Variants in MT4 observed in about 807,000 individuals in gnomAD.
The protein encoded by MT4 is metallothionein-4.
MT4 carries 11 observed loss-of-function variants against 9.5 expected under a neutral mutation model. The ratio of observed to expected loss-of-function variants is 1.16; its 90% CI spans 0.73 to 1.92. MT4 has a LOEUF of 1.92. Among genes scored for constraint, MT4 ranks in the 30% most tolerant of loss-of-function variants. The probability of loss-of-function intolerance (pLI) is 0.00; values close to 1 mark genes in which losing one functional copy is unlikely to be tolerated. For missense variants in MT4, 88 were observed against 78.7 expected (o/e 1.12, Z -0.45); for synonymous variants, 29 against 24.6 (o/e 1.18, Z -0.53).
intron 1 of MT4, among the ~76,000 whole-genome samples, chr16:56,565,373 G>A (rs1959503816): frequency 6.6e-6 from 1 of 152,248 alleles, no homozygotes. Flanking sequence ...TCCTAGCTCA[G>A]GGAATGGCTG....
At chr16:56,566,738 GAAAGAAA>G (rs1567329851) in intron 1 of MT4, among the ~76,000 whole-genome samples, 2,754 of 54,492 alleles carry the variant, frequency 0.051, 62 homozygotes, top group South Asian at 0.068. Context: ...AAGAAAGAAA[GAAAGAAA>G]GAAGGAAGGA....
chr16:56,568,271 G>GAAA (rs1349217551), intron 2 of MT4, among the ~76,000 whole-genome samples: 1 of 58,570 alleles, frequency 1.7e-5, no homozygotes, highest in Non-Finnish European at 3.7e-5. Flanking sequence ...GAGAGAGAGA[G>GAAA]AGAAAGAAAG....
intron 1 of MT4, among the ~76,000 whole-genome samples, chr16:56,566,063 C>CAA (rs11428986): frequency 9.7e-4 from 144 of 148,928 alleles, no homozygotes; most frequent in Non-Finnish European, 1.5e-3. Flanking sequence ...GACCCTTTCT[C>CAA]AAAAAAAAAG....
chr16:56,568,270 AG>A (rs1959575147), intron 2 of MT4, among the ~76,000 whole-genome samples: 2 of 94,964 alleles, frequency 2.1e-5, no homozygotes, highest in African/African-American at 4.9e-5. Flanking sequence ...AGAGAGAGAG[AG>A]AGAAAGAAAG....
At chr16:56,568,380 G>A (rs1567330745) in intron 2 of MT4, among the ~76,000 whole-genome samples, 1 of 152,092 alleles carries the variant, frequency 6.6e-6, no homozygotes, top group Non-Finnish European at 1.5e-5. Context: ...GTGGATTGGG[G>A]CTTGTGGGGA....
At chr16:56,565,665 T>C (rs942394967) in intron 1 of MT4, among the ~76,000 whole-genome samples, 1 of 152,178 alleles carries the variant, frequency 6.6e-6, no homozygotes, top group African/African-American at 2.4e-5. Flanking sequence ...TTATGTGGAC[T>C]CTTGAGTCTC....
At chr16:56,567,000 T>C (rs1236406309) in intron 1 of MT4, among the ~76,000 whole-genome samples, 4 of 152,012 alleles carry the variant, frequency 2.6e-5, no homozygotes, top group Non-Finnish European at 5.9e-5. Flanking sequence ...CTTGTGAAGG[T>C]GACACGGGTG....
Position 56,565,289 on chromosome 16 carries a change from G to A in MT4, c.31+130G>A, listed in dbSNP as rs916830614. 50 of 940,060 alleles carry A rather than the reference G, an allele frequency of 5.3e-5. No individual in the cohort carries two copies. The Admixed American group carries it at 6.5e-4, about 12-fold the overall frequency. 58.2% of individuals were successfully genotyped at this position (940,060 alleles called of 1,614,324 possible). On this transcript the variant is annotated intron_variant, in intron 1 of 2. Transcript: ENST00000219162. ...ACCAATGGGGTTCGTCCTGGGAGCC[G>A]ACAGGTGGACTGGCCACCTCTGGGG...
intron 2 of MT4, 59 bp from the exon 3 acceptor site, chr16:56,568,782 C>A: frequency 1.7e-6 from 2 of 1,180,158 alleles, no homozygotes; most frequent in Non-Finnish European, 1.2e-6. Flanking sequence ...GTGGGAGGGG[C>A]AGTGGTGAGA....
Position 56,565,116 on chromosome 16 carries a change from G to A in MT4, c.-13G>A, listed in dbSNP as rs145842898. On this transcript the variant is annotated 5_prime_UTR_variant, in exon 1 of 3. Transcript: ENST00000219162. ...AGCCGTGACAGCACTGGAGCCTTTC[G>A]GACACCTGGACCATGGACCCCAGGG... 2.2e-4 allele frequency: 356 copies of A among 1,613,026 alleles called. No individual in the cohort carries two copies. The African/African-American group carries it at 3.1e-3, about 14-fold the overall frequency.
At chr16:56,565,317 GC>G (rs1261041616) in intron 1 of MT4, among the ~76,000 whole-genome samples, 158 bp downstream of exon 1, 1 of 152,214 alleles carries the variant, frequency 6.6e-6, no homozygotes, top group Non-Finnish European at 1.5e-5. Context: ...CTCTGGGGCA[GC>G]TCCCACTCTC....
At chr16:56,566,814 GAAAGAAAAGA>G (rs1238276324) in intron 1 of MT4, among the ~76,000 whole-genome samples, 1 of 45,850 alleles carries the variant, frequency 2.2e-5, no homozygotes, top group Admixed American at 3.1e-4. Context: ...AAGAAAGAAA[GAAAGAAAAGA>G]AAGAAAGAAA....
At chr16:56,566,625 AG>A (rs1959520983) in intron 1 of MT4, among the ~76,000 whole-genome samples, 1 of 145,982 alleles carries the variant, frequency 6.9e-6, no homozygotes, top group African/African-American at 2.5e-5. Context: ...AAAGGGAGAA[AG>A]GGGGAGAGAG....
At chr16:56,567,980 C>A (rs1050194613) in intron 2 of MT4, among the ~76,000 whole-genome samples, 164 bp downstream of exon 2, 1 of 151,650 alleles carries the variant, frequency 6.6e-6, no homozygotes, top group Non-Finnish European at 1.5e-5. Flanking sequence ...TGGTGAAACC[C>A]CATCTCTACT....
At chr16:56,567,693 T>C (rs369714975) in intron 1 of MT4, 58 bp from the exon 2 acceptor site, 160 of 1,523,204 alleles carry the variant, frequency 1.1e-4, no homozygotes, top group Middle Eastern at 1.7e-4. Context: ...CATCATGCCT[T>C]ATGTTCCCCA....
rs779895274 is a variant in MT4 at position 56,566,700 on chromosome 16, GAGAAAGAAAGAA to G, written c.32-1014_32-1003del. 9.5e-3 allele frequency among the ~76,000 whole-genome samples: 695 copies of G among 73,408 alleles called. 6 individuals carry two copies. Among genetic ancestry groups the G allele is most frequent in the East Asian group, 0.029 (52 of 1,772 alleles). 48.2% of individuals were successfully genotyped at this position (73,408 alleles called of 152,430 possible). A position where few individuals can be genotyped will look rare whatever the true frequency, so the allele number is the denominator to read the frequency against. Reference sequence around the variant, plus strand: ...GAGAAAAAGAAAAGAAAGAAAGAAAGAGAAAGAAAGAAAGAAAGAAAGAAAGAAAGAAAGAAA... The same window carrying G: ...GAGAAAAAGAAAAGAAAGAAAGAAAGAGAAAGAAAGAAAGAAAGAAAGAAA... On this transcript the variant is annotated intron_variant, in intron 1 of 2. Coordinates refer to ENST00000219162, the MANE Select transcript of MT4 (RefSeq NM_032935.3).
At chr16:56,567,190 AT>A (rs58401550) in intron 1 of MT4, among the ~76,000 whole-genome samples, 3,954 of 147,652 alleles carry the variant, frequency 0.027, 160 homozygotes, top group African/African-American at 0.09. Flanking sequence ...CGCCTGGCTA[AT>A]TTTTTTTTTT....
At chr16:56,565,306 C>T (rs1156298078) in intron 1 of MT4, 147 bp downstream of exon 1, 2 of 729,850 alleles carry the variant, frequency 2.7e-6, no homozygotes, top group Middle Eastern at 4.9e-4. Flanking sequence ...GGACTGGCCA[C>T]CTCTGGGGCA....
Position 56,565,103 on chromosome 16 carries a change from A to C in MT4, c.-26A>C, listed in dbSNP as rs1441539232. 1 of 1,612,970 alleles carries C rather than the reference A, an allele frequency of 6.2e-7. No homozygotes were observed. Among genetic ancestry groups the C allele is most frequent in the Non-Finnish European group, 8.5e-7 (1 of 1,179,480 alleles). On this transcript the variant is annotated 5_prime_UTR_variant, in exon 1 of 3. Coordinates refer to ENST00000219162, the MANE Select transcript of MT4 (RefSeq NM_032935.3). Reference sequence around the variant, plus strand: ...GCCTCCCTTCCCCAGCCGTGACAGCACTGGAGCCTTTCGGACACCTGGACC... The same window carrying C: ...GCCTCCCTTCCCCAGCCGTGACAGCCCTGGAGCCTTTCGGACACCTGGACC...
Sources: allele counts gnomAD v4.1 joint callset (sites outside exome capture counted in the v4.1 genomes callset), GRCh38; gene constraint gnomAD v4.1.1; transcripts MANE v1.5; gene names NCBI Gene and HGNC (gene_info 2026-07-23, HGNC 2026-07-21).